Variants in EPHB1 observed in about 807,000 individuals in gnomAD.
The protein encoded by EPHB1 is EPH receptor B1.
Under a neutral mutation model 94.4 loss-of-function variants are expected in EPHB1, and 30 were observed. The observed-to-expected ratio is 0.32, with a 90% confidence interval of 0.24 to 0.43. The LOEUF (loss-of-function observed/expected upper bound fraction) is 0.43. Ranked by LOEUF, EPHB1 falls within the 20% of genes least tolerant of loss-of-function variation. The pLI is 1.00. For synonymous variants in EPHB1, 522 were observed against 489.1 expected (o/e 1.07, Z -0.89); for missense variants, 1,055 against 1,308.3 (o/e 0.81, Z 2.99).
Position 135,259,150 on chromosome 3 carries a change from G to C in EPHB1, c.*30G>C, listed in dbSNP as rs977294066. On this transcript the variant is annotated 3_prime_UTR_variant, in exon 16 of 16. Coordinates refer to ENST00000398015, the MANE Select transcript of EPHB1 (RefSeq NM_004441.5). ...TCTTGTTTCTTGGGGAAGGAGAGGA[G>C]GGAAAAGGACCAGGGTCAAGGGGGA... is the stretch of plus-strand genomic sequence containing the variant. 1.9e-6 allele frequency: 3 copies of C among 1,559,302 alleles called. No individual in the cohort carries two copies. The highest frequency in any genetic ancestry group is 2.7e-5 in the African/African-American group (2 of 73,784).
chr3:134,916,133 T>G (rs375341406), intron 1 of EPHB1, among the ~76,000 whole-genome samples: 2 of 151,760 alleles, frequency 1.3e-5, no homozygotes, highest in African/African-American at 4.9e-5. Flanking sequence ...AGAGTGCTGA[T>G]TGGTGTATTT....
intron 1 of EPHB1, among the ~76,000 whole-genome samples, chr3:134,891,249 A>G (rs2037977553): frequency 6.6e-6 from 1 of 152,190 alleles, no homozygotes; most frequent in Non-Finnish European, 1.5e-5. Context: ...AGCTGAGACT[A>G]TAGGCATGCG....
At chr3:134,948,728 T>C (rs983749544) in intron 2 of EPHB1, among the ~76,000 whole-genome samples, 15 of 152,228 alleles carry the variant, frequency 9.9e-5, no homozygotes, top group Non-Finnish European at 1.9e-4. Flanking sequence ...GTGAAGGAGC[T>C]GTGTGGACTG....
intron 9 of EPHB1, 142 bp from the exon 10 acceptor site, chr3:135,179,715 AGAG>A (rs1460587090): frequency 1.2e-6 from 1 of 837,188 alleles, no homozygotes; most frequent in East Asian, 2.5e-5. Flanking sequence ...AGGCCCAGCA[AGAG>A]GAGGAGAGGC....
intron 12 of EPHB1, among the ~76,000 whole-genome samples, chr3:135,239,000 G>A (rs1018153905): frequency 1.3e-5 from 2 of 152,212 alleles, no homozygotes; most frequent in African/African-American, 4.8e-5. Context: ...TGGGGAACAT[G>A]TTGATAAAAC....
Position 135,194,917 on chromosome 3 carries a change from G to C in EPHB1, c.2130+2094G>C, listed in dbSNP as rs192594131. Among the ~76,000 whole-genome samples the C allele has an allele frequency of 4.6e-5, 7 of 152,156 alleles. No individual in the cohort carries two copies. The East Asian group carries it at 1.4e-3, about 29-fold the overall frequency. ...GCTAGGGAGTGGCACGAGAGCTCTA[G>C]TCATCCTGTGTGTACATTATCTCTC... On this transcript the variant is annotated intron_variant, in intron 11 of 15. Coordinates refer to ENST00000398015, the MANE Select transcript of EPHB1 (RefSeq NM_004441.5).
intron 5 of EPHB1, among the ~76,000 whole-genome samples, chr3:135,147,472 A>G (rs888384588): frequency 2.0e-5 from 3 of 152,232 alleles, no homozygotes; most frequent in Admixed American, 6.5e-5. Flanking sequence ...ATATTCCTCG[A>G]CTGAGGAGCA....
At chr3:134,997,934 G>T (rs566186493) in intron 3 of EPHB1, among the ~76,000 whole-genome samples, 1 of 152,308 alleles carries the variant, frequency 6.6e-6, no homozygotes, top group Admixed American at 6.5e-5. Flanking sequence ...ACCCAGTGAG[G>T]TTTTATAGGC....
intron 12 of EPHB1, among the ~76,000 whole-genome samples, chr3:135,227,958 ACTCT>A: frequency 6.6e-6 from 1 of 151,754 alleles, no homozygotes; most frequent in South Asian, 2.1e-4. Flanking sequence ...TTATTCTTAG[ACTCT>A]TCGTGTGTAT....
chr3:134,801,449 C>T, intron 1 of EPHB1, among the ~76,000 whole-genome samples: 1 of 152,160 alleles, frequency 6.6e-6, no homozygotes, highest in East Asian at 1.9e-4. Context: ...CTTACCTGTC[C>T]TCCATTGACT....
intron 10 of EPHB1, among the ~76,000 whole-genome samples, chr3:135,189,052 G>T (rs966583769): frequency 6.6e-6 from 1 of 152,186 alleles, no homozygotes; most frequent in Non-Finnish European, 1.5e-5. Context: ...ACTGTATGAT[G>T]AGTTTTTAGA....
At chr3:135,238,329 C>G (rs1943703729) in intron 12 of EPHB1, among the ~76,000 whole-genome samples, 1 of 152,212 alleles carries the variant, frequency 6.6e-6, no homozygotes, top group Admixed American at 6.5e-5. Flanking sequence ...CTCAAAGGCT[C>G]AGCCACCTGC....
At chr3:134,901,298 G>GT (rs2038199175) in intron 1 of EPHB1, among the ~76,000 whole-genome samples, 1 of 152,174 alleles carries the variant, frequency 6.6e-6, no homozygotes, top group African/African-American at 2.4e-5. Context: ...AAATCTACAC[G>GT]TAACACTTGG....
At chr3:134,868,365 A>G (rs2037423948) in intron 1 of EPHB1, among the ~76,000 whole-genome samples, 1 of 152,226 alleles carries the variant, frequency 6.6e-6, no homozygotes, top group African/African-American at 2.4e-5. Flanking sequence ...CCTCATTACC[A>G]CAGGGTAGTT....
chr3:134,846,850 G>A (rs1454122417), intron 1 of EPHB1, among the ~76,000 whole-genome samples: 3 of 152,140 alleles, frequency 2.0e-5, no homozygotes, highest in Non-Finnish European at 2.9e-5. Context: ...GGAATGGGCC[G>A]GGAGGGTCAT....
intron 9 of EPHB1, among the ~76,000 whole-genome samples, chr3:135,173,092 T>G (rs1941855280): frequency 6.7e-6 from 1 of 150,168 alleles, no homozygotes; most frequent in Non-Finnish European, 1.5e-5. Flanking sequence ...TGGAGTGCAG[T>G]GGCGGGATCT....
chr3:135,252,023 A>C (rs1434931117), intron 15 of EPHB1, among the ~76,000 whole-genome samples: 3 of 152,046 alleles, frequency 2.0e-5, no homozygotes, highest in Admixed American at 6.5e-5. Flanking sequence ...GTTTATAAAT[A>C]ATTTATAAAT....
intron 13 of EPHB1, among the ~76,000 whole-genome samples, chr3:135,244,192 C>T (rs1385736308): frequency 1.3e-5 from 2 of 152,176 alleles, no homozygotes; most frequent in Non-Finnish European, 2.9e-5. Flanking sequence ...TACCATTTCT[C>T]AGTACAGGTG....
chr3:134,885,090 A>T (rs988779568), intron 1 of EPHB1, among the ~76,000 whole-genome samples: 2 of 152,252 alleles, frequency 1.3e-5, no homozygotes, highest in East Asian at 3.8e-4. Context: ...AAGAAAGCAT[A>T]AGCCATGGTA....
Sources: allele counts gnomAD v4.1 joint callset (sites outside exome capture counted in the v4.1 genomes callset), GRCh38; gene constraint gnomAD v4.1.1; transcripts MANE v1.5; gene names NCBI Gene and HGNC (gene_info 2026-07-23, HGNC 2026-07-21).